The following SALL4 variants were observed in gnomAD, a reference collection of about 807,000 sequenced individuals.
SALL4 encodes sal-like protein 4.
In SALL4, 4 loss-of-function variants were observed where a neutral mutation model predicts 60.8. The ratio of observed to expected loss-of-function variants is 0.07; its 90% CI spans 0.03 to 0.15. The LOEUF (loss-of-function observed/expected upper bound fraction) is 0.15. Ranked by LOEUF, SALL4 falls within the 10% of genes least tolerant of loss-of-function variation. The pLI is 1.00. For missense variants in SALL4, 1,178 were observed against 1,394.7 expected (o/e 0.84, Z 2.48); for synonymous variants, 580 against 574.9 (o/e 1.01, Z -0.13).
chr20:51,797,502 C>G (rs1417692857), intron 1 of SALL4: 2 of 152,202 alleles, frequency 1.3e-5, no homozygotes, highest in African/African-American at 4.8e-5. Context: ...ACTCTTAAAA[C>G]AGCAGCAGCT....
intron 1 of SALL4, among the ~76,000 whole-genome samples, chr20:51,800,103 A>G (rs1440508003): frequency 6.6e-6 from 1 of 152,148 alleles, no homozygotes; most frequent in Non-Finnish European, 1.5e-5. Context: ...CTGCAAACAC[A>G]TTCTAGCCGC....
At chr20:51,800,291 C>A (rs1357848666) in intron 1 of SALL4, among the ~76,000 whole-genome samples, 2 of 152,182 alleles carry the variant, frequency 1.3e-5, no homozygotes, top group Admixed American at 6.5e-5. Context: ...GCGAAGGGAC[C>A]CCGCCTCCCA....
chr20:51,783,641 C>T lies in SALL4; in HGVS notation c.*624G>A, dbSNP rs2077968567. 2.0e-5 allele frequency: 3 copies of T among 153,392 alleles called. No individual in the cohort carries two copies. Among genetic ancestry groups the T allele is most frequent in the Non-Finnish European group, 2.9e-5 (2 of 69,122 alleles). The allele number at this position is 153,392 out of a possible 1,614,324, so 9.5% of individuals were successfully genotyped here. A position where few individuals can be genotyped will look rare whatever the true frequency, so the allele number is the denominator to read the frequency against. On this transcript the variant is annotated 3_prime_UTR_variant, in exon 4 of 4. Transcript: ENST00000217086. ...AGGTAACAGTCTTTGGAAAAAGTCA[C>T]TCTAGGTTGTACAAAGGTTCTATGT...
intron 1 of SALL4, among the ~76,000 whole-genome samples, chr20:51,794,737 C>A (rs915468013): frequency 5.9e-5 from 9 of 152,064 alleles, no homozygotes; most frequent in South Asian, 2.1e-4. Context: ...AACTATTACC[C>A]TATTTGACAG....
rs2078044560 is a variant in SALL4 at position 51,791,735 on chromosome 20, T to C, written c.748A>G (p.Ser250Gly). 6.2e-7 allele frequency: 1 copy of C among 1,614,110 alleles called. No homozygotes were observed. The change falls in exon 2 of 4, where the codon AGC becomes GGC. Residue 250 changes from serine (S) to glycine (G), a missense_variant. Physicochemically the swap from Ser to Gly is moderately conservative, Grantham distance 56. Around this residue, in one of 5 missense-constraint regions of SALL4, gnomAD observed 853 missense variants for 1,036.8 expected, o/e 0.82. Coordinates refer to ENST00000217086, the MANE Select transcript of SALL4 (RefSeq NM_020436.5). The surrounding 1 kb of genome is among the most constrained non-coding windows in gnomAD (Gnocchi z 4.6). ...TTCAGAGTGTCGGCCCCTGCCCCGCTTGAGTGGAGGGCGTGGGAGGCCCAC... is the reference window on the plus strand; with the variant it reads ...TTCAGAGTGTCGGCCCCTGCCCCGCCTGAGTGGAGGGCGTGGGAGGCCCAC... The part of the protein sequence containing the change: ...NMWASHALHS[S>G]GAGADTLKTL...
At position 51,790,036 on chromosome 20, in the gene SALL4, C is replaced by A; in HGVS notation, c.2447G>T (p.Arg816Leu). Residue 816 changes from arginine (R) to leucine (L), a missense_variant, in exon 2 of 4, where the codon CGC becomes CTC. Transcript: ENST00000217086. The surrounding 1 kb of genome is among the most constrained non-coding windows in gnomAD (Gnocchi z 5.5). ...GSKAESSENSRTEMEGRSSLP... is the reference protein window; with the variant it reads ...GSKAESSENSLTEMEGRSSLP... Reference sequence around the variant, plus strand: ...AGCTCTATCACCTTCCATCTCAGTGCGGCTGTTCTCGGAGCTCTCTGCTTT... The same window carrying A: ...AGCTCTATCACCTTCCATCTCAGTGAGGCTGTTCTCGGAGCTCTCTGCTTT... 1.2e-6 allele frequency: 2 copies of A among 1,614,178 alleles called. No individual in the cohort carries two copies. The highest frequency in any genetic ancestry group is 1.7e-6 in the Non-Finnish European group (2 of 1,180,046).
Position 51,790,385 on chromosome 20 carries a change from C to T in SALL4, c.2098G>A (p.Glu700Lys). 3 of 1,614,068 alleles carry T rather than the reference C, an allele frequency of 1.9e-6. No homozygotes were observed. The highest frequency in any genetic ancestry group is 1.6e-4 in the Middle Eastern group (1 of 6,062). Residue 700 changes from glutamate (E) to lysine (K), a missense_variant, in exon 2 of 4, where the codon GAG (glutamate) becomes AAG (lysine). Glu to Lys is a moderately conservative substitution (Grantham distance 56). Transcript: ENST00000217086. This position sits in a 1 kb window ranked among gnomAD's most constrained non-coding sequence, Gnocchi z 5.5. The stretch of plus-strand genomic sequence containing the variant: ...ACCTTGGAGGAGCTGCTGGGAGCCT[C>T]CTGGGAGCTGACTTCCTCTACATCG... ...SIDVEEVSSQ[E>K]APSSSSKVPT... is the part of the protein sequence containing the mutation.
At position 51,790,727 on chromosome 20, in the gene SALL4, G is replaced by C. The variant is rs148328518; in HGVS notation, c.1756C>G (p.Arg586Gly). The C allele has an allele frequency of 4.2e-5, 68 of 1,614,016 alleles. No individual in the cohort carries two copies. The highest frequency in any genetic ancestry group is 5.1e-5 in the Non-Finnish European group (60 of 1,180,038). ...AACGGTCTCTCCCCGGTGTGGGTGCGATAATGCATCTTGAGGGAGCTCTGA... is the reference window on the plus strand; with the variant it reads ...AACGGTCTCTCCCCGGTGTGGGTGCCATAATGCATCTTGAGGGAGCTCTGA... ...SCQSSLKMHY[R>G]THTGERPFQC... The change falls in exon 2 of 4, where the codon CGC becomes GGC. Residue 586 changes from arginine (R) to glycine (G), a missense_variant. Coordinates refer to ENST00000217086, the MANE Select transcript of SALL4 (RefSeq NM_020436.5). This position sits in a 1 kb window ranked among gnomAD's most constrained non-coding sequence, Gnocchi z 5.5.
At position 51,788,760 on chromosome 20, in the gene SALL4, AAAG is replaced by A; in HGVS notation, c.2742+98_2742+100del. ...AGCAATCCTCCCACCTCGGCCTCCC[AAAG>A]GAGGAATGGAAGGATGGAAGAACTC... On this transcript the variant is annotated intron_variant, in intron 3 of 3. Transcript: ENST00000217086. The surrounding 1 kb of genome is among the most constrained non-coding windows in gnomAD (Gnocchi z 4.1). The A allele has an allele frequency of 6.9e-7, 1 of 1,449,018 alleles. No homozygotes were observed. Among genetic ancestry groups the A allele is most frequent in the Non-Finnish European group, 9.6e-7 (1 of 1,041,808 alleles). The allele number at this position is 1,449,018 out of a possible 1,614,324, so 89.8% of individuals were successfully genotyped here.
intron 1 of SALL4, among the ~76,000 whole-genome samples, chr20:51,795,481 G>T (rs576765963): frequency 7.2e-5 from 11 of 152,224 alleles, no homozygotes; most frequent in African/African-American, 2.6e-4. Flanking sequence ...TCTGGGAACC[G>T]CCAACTCTCA....
Position 51,791,289 on chromosome 20 carries a change from C to G in SALL4, c.1194G>C (p.Gln398His), listed in dbSNP as rs768088545. Residue 398 changes from glutamine to histidine, a missense_variant, in exon 2 of 4, where the codon CAG becomes CAC. By Grantham distance (24) the Gln-to-His change is conservative. Around this residue, in one of 5 missense-constraint regions of SALL4, gnomAD observed 853 missense variants for 1,036.8 expected, o/e 0.82. Transcript: ENST00000217086. This position sits in a 1 kb window ranked among gnomAD's most constrained non-coding sequence, Gnocchi z 4.6. Reference sequence around the variant, plus strand: ...CTCCAGTGTGGGAGCGGAGGTGGATCTGCAAGGAGCTATCAGTCCCAAAAA... The same window carrying G: ...CTCCAGTGTGGGAGCGGAGGTGGATGTGCAAGGAGCTATCAGTCCCAAAAA... ...SKVFGTDSSLQIHLRSHTGER... is the reference protein window; with the variant it reads ...SKVFGTDSSLHIHLRSHTGER... 2 of 1,614,124 alleles carry G rather than the reference C, an allele frequency of 1.2e-6. No individual in the cohort carries two copies. The highest frequency in any genetic ancestry group is 4.5e-5 in the East Asian group (2 of 44,876).
chr20:51,792,654 A>T (rs2078055039), intron 1 of SALL4: 1 of 580,442 alleles, frequency 1.7e-6, no homozygotes, highest in Non-Finnish European at 2.4e-6. Flanking sequence ...CCGCCATTGC[A>T]CTCCAGCCTG....
chr20:51,791,708 T>G lies in SALL4; in HGVS notation c.775A>C (p.Thr259Pro). ...TGCTGAGACATGTGGCTGCCCAAGG[T>G]CTTCAGAGTGTCGGCCCCTGCCCCG... Reference protein sequence around the residue: ...SSGAGADTLKTLGSHMSQQVS... With the variant: ...SSGAGADTLKPLGSHMSQQVS... Residue 259 changes from threonine (T) to proline (P), a missense_variant, in exon 2 of 4, where the codon ACC becomes CCC. Physicochemically the swap from Thr to Pro is conservative, Grantham distance 38 (BLOSUM62 -1). Around this residue, in one of 5 missense-constraint regions of SALL4, gnomAD observed 853 missense variants for 1,036.8 expected, o/e 0.82. Transcript: ENST00000217086. The surrounding 1 kb of genome is among the most constrained non-coding windows in gnomAD (Gnocchi z 4.6). The G allele has an allele frequency of 6.2e-7, 1 of 1,614,162 alleles. No individual in the cohort carries two copies. The highest frequency in any genetic ancestry group is 1.3e-5 in the African/African-American group (1 of 75,060).
At position 51,791,130 on chromosome 20, in the gene SALL4, G is replaced by A. The variant is rs140110863; in HGVS notation, c.1353C>T (p.Ala451=). 316 of 1,614,120 alleles carry A rather than the reference G, an allele frequency of 2.0e-4. No individual in the cohort carries two copies. In the African/African-American group the frequency reaches 3.5e-3, roughly 18 times the overall value. Residue 451 remains alanine, a synonymous_variant, in exon 2 of 4, where the codon GCC becomes GCT. Transcript: ENST00000217086. This position sits in a 1 kb window ranked among gnomAD's most constrained non-coding sequence, Gnocchi z 4.6. ...AGAGTGCATAGGGGATGCCATTGCC[G>A]GCCGCCACTTTGTCCTGGAACTCGG... ...LFAEFQDKVA[A]GNGIPYALSV...
chr20:51,785,195 C>T (rs6067934), intron 3 of SALL4, among the ~76,000 whole-genome samples: 1 of 151,874 alleles, frequency 6.6e-6, no homozygotes, highest in African/African-American at 2.4e-5. Flanking sequence ...CAGCTGCTCG[C>T]GAGGCTGAGG....
At position 51,792,004 on chromosome 20, in the gene SALL4, G is replaced by T; in HGVS notation, c.479C>A (p.Ala160Asp). ...ESVVYLKTETALPPTPQDISY... is the reference protein window; with the variant it reads ...ESVVYLKTETDLPPTPQDISY... ...TATGTCCTGGGGGGTGGGTGGCAGG[G>T]CTGTCTCTGTCTTTAGGTACACCAC... The change falls in exon 2 of 4, where the codon GCC (alanine) becomes GAC (aspartate). Residue 160 changes from alanine (A) to aspartate (D), a missense_variant. Ala to Asp is a moderately radical substitution (Grantham distance 126, BLOSUM62 -2). Transcript: ENST00000217086. 6.2e-7 allele frequency: 1 copy of T among 1,614,120 alleles called. No individual in the cohort carries two copies. Among genetic ancestry groups the T allele is most frequent in the Non-Finnish European group, 8.5e-7 (1 of 1,179,996 alleles).
At chr20:51,799,200 A>C (rs919819913) in intron 1 of SALL4, among the ~76,000 whole-genome samples, 10 of 152,210 alleles carry the variant, frequency 6.6e-5, no homozygotes, top group African/African-American at 2.4e-4. Context: ...TTCCCAATTC[A>C]TAGTAGCCCT....
In SALL4 at chr20:51,792,319, A is replaced by T. The variant is rs754101984; in HGVS notation, c.164T>A (p.Val55Glu). ...TACTGTGGCTTCATCCTCACTCGCC[A>T]CCTCGTCATTCCCTGGGTGGTTCAC... ...APVNHPGNDE[V>E]ASEDEATVKR... Residue 55 changes from valine (V) to glutamate (E), a missense_variant, in exon 2 of 4, where the codon GTG (valine) becomes GAG (glutamate). Around this residue, in one of 5 missense-constraint regions of SALL4, gnomAD observed 108 missense variants for 95.7 expected, o/e 1.13. Coordinates refer to ENST00000217086, the MANE Select transcript of SALL4 (RefSeq NM_020436.5). 3 of 1,606,260 alleles carry T rather than the reference A, an allele frequency of 1.9e-6. No individual in the cohort carries two copies. In the South Asian group the frequency reaches 3.3e-5, roughly 18 times the overall value.
At chr20:51,792,837 T>C (rs2078057653) in intron 1 of SALL4, 1 of 1,034,114 alleles carries the variant, frequency 9.7e-7, no homozygotes, top group Admixed American at 5.0e-5. Flanking sequence ...GTCCTTCACA[T>C]GATGCCTGGA....
Sources: allele counts gnomAD v4.1 joint callset (sites outside exome capture counted in the v4.1 genomes callset), GRCh38; gene constraint gnomAD v4.1.1; regional missense constraint gnomAD v4.1.1; non-coding constraint Gnocchi (gnomAD v3.1); transcripts MANE v1.5; gene names NCBI Gene and HGNC (gene_info 2026-07-23, HGNC 2026-07-21).